The following PLCB1 variants were observed in gnomAD, a reference collection of about 807,000 sequenced individuals.
The protein encoded by PLCB1 is phospholipase C beta 1.
In PLCB1, 46 loss-of-function variants were observed where a neutral mutation model predicts 161.8. That is an observed-to-expected ratio of 0.28 (90% confidence interval 0.22 to 0.36). The LOEUF is 0.36. Ranked by LOEUF, PLCB1 falls within the 10% of genes least tolerant of loss-of-function variation. The probability of loss-of-function intolerance (pLI) is 1.00; values close to 1 mark genes in which losing one functional copy is unlikely to be tolerated. For missense variants in PLCB1, 1,016 were observed against 1,472.5 expected, an observed-to-expected ratio of 0.69 and a Z score of 5.07; for synonymous variants, 517 against 503.7, an observed-to-expected ratio of 1.03 and a Z score of -0.35.
intron 30 of PLCB1, 68 bp downstream of exon 30, chr20:8,789,643 CT>C (rs1360529155): frequency 8.6e-7 from 1 of 1,158,738 alleles, no homozygotes; most frequent in Non-Finnish European, 1.3e-6. Flanking sequence ...TCGCTGTGAG[CT>C]TCTGGAAGGA....
At chr20:8,459,335 C>T (rs189948872) in intron 3 of PLCB1, among the ~76,000 whole-genome samples, 34 of 152,210 alleles carry the variant, frequency 2.2e-4, no homozygotes, top group African/African-American at 7.7e-4. Context: ...TAGATCCTGG[C>T]GAGTCCTTAA....
intron 31 of PLCB1, chr20:8,792,650 T>C: frequency 2.1e-6 from 1 of 471,088 alleles, no homozygotes; most frequent in South Asian, 1.5e-5. Context: ...TCTTTTTGTG[T>C]CTGGATTTGA....
intron 2 of PLCB1, among the ~76,000 whole-genome samples, chr20:8,277,603 C>G (rs1343640856): frequency 6.6e-6 from 1 of 152,106 alleles, no homozygotes; most frequent in Non-Finnish European, 1.5e-5. Context: ...CCCAGACATA[C>G]TGAATCAGAA....
chr20:8,821,566 A>C (rs1985420589), intron 31 of PLCB1, among the ~76,000 whole-genome samples: 2 of 131,642 alleles, frequency 1.5e-5, no homozygotes, highest in African/African-American at 5.5e-5. Context: ...TATTTAAATG[A>C]CACTTTTAAA....
chr20:8,341,399 T>C (rs1164371504), intron 2 of PLCB1, among the ~76,000 whole-genome samples: 1 of 152,184 alleles, frequency 6.6e-6, no homozygotes, highest in Admixed American at 6.5e-5. Context: ...CAACATCTTG[T>C]CATTCCTTTT....
At chr20:8,137,138 G>T (rs1369239727) in intron 1 of PLCB1, among the ~76,000 whole-genome samples, 1 of 152,032 alleles carries the variant, frequency 6.6e-6, no homozygotes, top group Non-Finnish European at 1.5e-5. Flanking sequence ...AGCTAAAACA[G>T]GTAATTTAAG....
chr20:8,178,767 G>A (rs908490015), intron 2 of PLCB1, among the ~76,000 whole-genome samples: 11 of 152,126 alleles, frequency 7.2e-5, no homozygotes, highest in South Asian at 4.1e-4. Flanking sequence ...ACAGTTTTCG[G>A]TTTTACGTTT....
At chr20:8,709,761 A>G (rs1478495429) in intron 12 of PLCB1, among the ~76,000 whole-genome samples, 1 of 152,212 alleles carries the variant, frequency 6.6e-6, no homozygotes, top group Non-Finnish European at 1.5e-5. Context: ...AGAAATCCAT[A>G]TTATATTTAC....
At chr20:8,618,101 T>C (rs1038683228) in intron 3 of PLCB1, among the ~76,000 whole-genome samples, 4 of 152,082 alleles carry the variant, frequency 2.6e-5, no homozygotes, top group African/African-American at 9.7e-5. Context: ...GACTTCCCAG[T>C]TTTCAAAGGA....
intron 2 of PLCB1, among the ~76,000 whole-genome samples, chr20:8,194,935 C>T (rs1160954318): frequency 6.6e-6 from 1 of 151,968 alleles, no homozygotes; most frequent in Non-Finnish European, 1.5e-5. Context: ...AGTGTAATAA[C>T]ACCACTGAAG....
chr20:8,852,352 A>C (rs1040133945), intron 31 of PLCB1, among the ~76,000 whole-genome samples: 3 of 152,188 alleles, frequency 2.0e-5, no homozygotes, highest in African/African-American at 7.2e-5. Context: ...GACAGAGTTG[A>C]GCAAAACCAA....
intron 21 of PLCB1, 39 bp downstream of exon 21, chr20:8,739,399 C>T (rs2123516257): frequency 1.7e-6 from 2 of 1,207,126 alleles, no homozygotes; most frequent in Non-Finnish European, 2.5e-6. Flanking sequence ...ATCAAAGTTG[C>T]AAAGAAAATC....
chr20:8,828,010 A>T (rs147277796), intron 31 of PLCB1, among the ~76,000 whole-genome samples: 1 of 152,360 alleles, frequency 6.6e-6, no homozygotes, highest in African/African-American at 2.4e-5. Flanking sequence ...CTTGAGCTAA[A>T]GGGAGGAAAG....
intron 2 of PLCB1, among the ~76,000 whole-genome samples, chr20:8,157,387 C>T (rs1276865203): frequency 6.6e-6 from 1 of 152,202 alleles, no homozygotes; most frequent in Non-Finnish European, 1.5e-5. Context: ...ACATGGGCAT[C>T]AGGCCACTCC....
At chr20:8,500,739 A>G (rs1454053425) in intron 3 of PLCB1, among the ~76,000 whole-genome samples, 2 of 152,124 alleles carry the variant, frequency 1.3e-5, no homozygotes, top group Non-Finnish European at 2.9e-5. Context: ...TTACTAGCCC[A>G]TGCTCAAATG....
chr20:8,836,462 A>G (rs79234617), intron 31 of PLCB1, among the ~76,000 whole-genome samples: 1 of 150,202 alleles, frequency 6.7e-6, no homozygotes, highest in African/African-American at 2.4e-5. Context: ...GAGAACCAAG[A>G]CTGATACAGA....
chr20:8,401,945 TGCCAG>T (rs1978571935), intron 3 of PLCB1, among the ~76,000 whole-genome samples: 2 of 152,222 alleles, frequency 1.3e-5, no homozygotes, highest in South Asian at 4.1e-4. Context: ...TCTAGATGGC[TGCCAG>T]GTCATCTAAC....
chr20:8,582,064 C>T (rs192632614), intron 3 of PLCB1, among the ~76,000 whole-genome samples: 14 of 152,180 alleles, frequency 9.2e-5, no homozygotes, highest in Non-Finnish European at 2.1e-4. Flanking sequence ...TAGAGCTTCT[C>T]TCCCCTATCC....
Position 8,788,517 on chromosome 20 carries a change from C to A in PLCB1, c.3180C>A (p.Ile1060=), listed in dbSNP as rs1043961648. Residue 1060 remains isoleucine (I), a synonymous_variant, in exon 28 of 32, where the codon ATC becomes ATA. Coordinates refer to ENST00000338037, the MANE Select transcript of PLCB1 (RefSeq NM_015192.4). ...QNNQLKKLKE[I]CEKEKKELKK... is the part of the protein sequence containing the mutation. ...ATCAGTTAAAGAAGCTCAAAGAAAT[C>A]TGTGAGAAGTAAGCCCTCATTCCCA... 1.1e-5 allele frequency: 18 copies of A among 1,613,192 alleles called. No individual in the cohort carries two copies. The highest frequency in any genetic ancestry group is 1.5e-5 in the Non-Finnish European group (18 of 1,179,588).
Sources: gnomAD v4.1 joint callset for allele counts (sites outside exome capture counted in the v4.1 genomes callset) on GRCh38, gnomAD v4.1.1 for gene constraint, MANE v1.5 for transcripts, NCBI Gene and HGNC (gene_info 2026-07-23, HGNC 2026-07-21) for gene names.